MCM10: variants seen among roughly 807,000 people sequenced by gnomAD.
MCM10 encodes protein MCM10 homolog.
Under a neutral mutation model 109.9 loss-of-function variants are expected in MCM10, and 91 were observed. That is an observed-to-expected ratio of 0.83 (90% CI 0.70 to 0.99). The LOEUF is 0.99. Among genes scored for constraint, MCM10 ranks in the 50% least tolerant of loss-of-function variants. The probability of loss-of-function intolerance (pLI) is 0.00; values close to 1 mark genes in which losing one functional copy is unlikely to be tolerated. For synonymous variants in MCM10, 380 were observed against 387.2 expected, an observed-to-expected ratio of 0.98 and a Z score of 0.22; for missense variants, 1,077 against 1,061.2, an observed-to-expected ratio of 1.01 and a Z score of -0.21.
In MCM10 at chr10:13,182,243, G is replaced by T. The variant is rs1834218385; in HGVS notation, c.931-690G>T. Among the ~76,000 whole-genome samples the T allele has an allele frequency of 6.6e-6, 1 of 152,146 alleles. No individual in the cohort carries two copies. The highest frequency in any genetic ancestry group is 2.4e-5 in the African/African-American group (1 of 41,444). On this transcript the variant is annotated intron_variant, in intron 7 of 19. Transcript: ENST00000378714. This position sits in a 1 kb window ranked among gnomAD's most constrained non-coding sequence, Gnocchi z 4.2. ...AACCCTAACGCTTTGAGAGGATGGG[G>T]TGGGAGGATCACTTGAGCCCAGGAA...
intron 1 of MCM10, among the ~76,000 whole-genome samples, chr10:13,162,815 C>G (rs1481656214): frequency 6.6e-6 from 1 of 152,208 alleles, no homozygotes; most frequent in East Asian, 1.9e-4. Context: ...CGCGGTGGCT[C>G]ACGCCTGTAA....
At chr10:13,170,817 A>G in intron 2 of MCM10, 105 bp from the exon 3 acceptor site, 1 of 880,670 alleles carries the variant, frequency 1.1e-6, no homozygotes. Context: ...CATTGTACCC[A>G]TTAGGTAGTT....
Position 13,171,062 on chromosome 10 carries a change from G to A in MCM10, c.148G>A (p.Gly50Ser), listed in dbSNP as rs373516087. ...DAFDELFDAD[G>S]DGESYTEEAD... is the part of the protein sequence containing the mutation. The stretch of plus-strand genomic sequence containing the variant: ...ATTTGATGAGCTCTTTGATGCCGAC[G>A]GCGACGGTGAATCTTATACAGAAGA... The change falls in exon 3 of 20, where the codon GGC becomes AGC. Residue 50 changes from glycine (G) to serine (S), a missense_variant. Transcript: ENST00000378714. 6.8e-6 allele frequency: 11 copies of A among 1,614,044 alleles called. No homozygotes were observed. The African/African-American group carries it at 1.1e-4, about 16-fold the overall frequency.
intron 2 of MCM10, among the ~76,000 whole-genome samples, chr10:13,169,940 A>T (rs1834048831): frequency 1.3e-5 from 2 of 152,160 alleles, no homozygotes; most frequent in Non-Finnish European, 2.9e-5. Context: ...TCCTGATGTC[A>T]GGTGATCCTC....
intron 18 of MCM10, among the ~76,000 whole-genome samples, chr10:13,205,599 CAT>C (rs1476435485): frequency 6.6e-6 from 1 of 152,178 alleles, no homozygotes; most frequent in Non-Finnish European, 1.5e-5. Context: ...GAGAAATCTT[CAT>C]ATGTTTTCTA....
chr10:13,172,363 T>G lies in MCM10; in HGVS notation c.350-13T>G, dbSNP rs950570224. On this transcript the variant is annotated splice_polypyrimidine_tract_variant and intron_variant, in intron 3 of 19. Coordinates refer to ENST00000378714, the MANE Select transcript of MCM10 (RefSeq NM_018518.5). The surrounding 1 kb of genome is among the most constrained non-coding windows in gnomAD (Gnocchi z 5.2). ...CTGCCTGGTTCTTAAATTAACATAT[T>G]TTCATTTCCTAGAGGAATTAAGGAA... 3 of 1,590,690 alleles carry G rather than the reference T, an allele frequency of 1.9e-6. No homozygotes were observed. The highest frequency in any genetic ancestry group is 2.6e-6 in the Non-Finnish European group (3 of 1,163,890).
At chr10:13,180,645 A>C (rs752142120) in intron 7 of MCM10, 38 bp downstream of exon 7, 1 of 1,606,682 alleles carries the variant, frequency 6.2e-7, no homozygotes, top group South Asian at 1.1e-5. Context: ...GTTTTACTAC[A>C]AACTGACAGT....
Position 13,171,158 on chromosome 10 carries a change from G to C in MCM10, c.244G>C (p.Glu82Gln). The C allele has an allele frequency of 6.2e-7, 1 of 1,614,216 alleles. No individual in the cohort carries two copies. Among genetic ancestry groups the C allele is most frequent in the Non-Finnish European group, 8.5e-7 (1 of 1,180,030 alleles). ...ENLATLFGDM[E>Q]DLTDEEEVPA... is the part of the protein sequence containing the mutation. ...TCTGGCCACTCTCTTTGGAGATATG[G>C]AGGACTTAACAGATGAAGAAGAAGT... is the stretch of plus-strand genomic sequence containing the variant. Residue 82 changes from glutamate (E) to glutamine (Q), a missense_variant, in exon 3 of 20, where the codon GAG becomes CAG. Transcript: ENST00000378714.
rs371814734 is a variant in MCM10 at position 13,175,584 on chromosome 10, A to C, written c.667A>C (p.Ser223Arg). ...PLQTISRNKP[S>R]GITRGQIVGT... ...ACAGACGATTTCTCGGAACAAACCT[A>C]GTGGGATAACTAGAGGTCAAATTGT... Residue 223 changes from serine to arginine, a missense_variant, in exon 6 of 20, where the codon AGT becomes CGT. By Grantham distance (110) the Ser-to-Arg change is moderately radical. Transcript: ENST00000378714. 1 of 1,613,602 alleles carries C rather than the reference A, an allele frequency of 6.2e-7. No homozygotes were observed. The highest frequency in any genetic ancestry group is 8.5e-7 in the Non-Finnish European group (1 of 1,179,648).
At chr10:13,202,172 A>G (rs192439130) in intron 17 of MCM10, among the ~76,000 whole-genome samples, 1 of 152,248 alleles carries the variant, frequency 6.6e-6, no homozygotes, top group East Asian at 1.9e-4. Context: ...CAACCCGGGC[A>G]ACATCGTGAG....
chr10:13,195,098 G>GCC lies in MCM10; in HGVS notation c.1807_1808dup (p.Ala604LeufsTer21). On this transcript the variant is annotated frameshift_variant, in exon 14 of 20. Transcript: ENST00000378714. LOFTEE classifies it high-confidence loss of function. ...CAGCTGTGCCATCTTCATCAAGACA[G>GCC]CCCCCTGCTCAGCCTCCACGGACAG... is the stretch of plus-strand genomic sequence containing the variant. 15 of 1,614,106 alleles carry GCC rather than the reference G, an allele frequency of 9.3e-6. No homozygotes were observed. Among genetic ancestry groups the GCC allele is most frequent in the African/African-American group, 1.3e-5 (1 of 75,032 alleles).
At chr10:13,206,220 G>A (rs906914015) in intron 18 of MCM10, among the ~76,000 whole-genome samples, 17 of 152,080 alleles carry the variant, frequency 1.1e-4, no homozygotes, top group African/African-American at 3.4e-4. Context: ...TGTAGGATGC[G>A]TCTGTGCTCG....
intron 10 of MCM10, 111 bp from the exon 11 acceptor site, chr10:13,191,188 T>C: frequency 1.4e-6 from 1 of 714,478 alleles, no homozygotes; most frequent in East Asian, 2.6e-5. Flanking sequence ...GATGGTGTTT[T>C]GAGAAACTTT....
At chr10:13,164,985 T>A (rs868455368) in intron 2 of MCM10, among the ~76,000 whole-genome samples, 1 of 152,110 alleles carries the variant, frequency 6.6e-6, no homozygotes, top group African/African-American at 2.4e-5. Context: ...TTTTAAAAAA[T>A]TCAAACATAT....
At chr10:13,202,687 A>G (rs1257243793) in intron 17 of MCM10, among the ~76,000 whole-genome samples, 1 of 152,122 alleles carries the variant, frequency 6.6e-6, no homozygotes, top group Non-Finnish European at 1.5e-5. Flanking sequence ...GGAAACACAA[A>G]CCCACCATTG....
chr10:13,172,338 C>T lies in MCM10; in HGVS notation c.350-38C>T, dbSNP rs1282888310. On this transcript the variant is annotated intron_variant, in intron 3 of 19. Coordinates refer to ENST00000378714, the MANE Select transcript of MCM10 (RefSeq NM_018518.5). The surrounding 1 kb of genome is among the most constrained non-coding windows in gnomAD (Gnocchi z 5.2). Reference sequence around the variant, plus strand: ...TTTTTGTCATGTAGAACGTTTTCTCCTGCCTGGTTCTTAAATTAACATATT... The same window carrying T: ...TTTTTGTCATGTAGAACGTTTTCTCTTGCCTGGTTCTTAAATTAACATATT... The T allele has an allele frequency of 6.5e-7, 1 of 1,531,348 alleles. No individual in the cohort carries two copies. The highest frequency in any genetic ancestry group is 9.0e-7 in the Non-Finnish European group (1 of 1,108,964). 94.9% of individuals were successfully genotyped at this position (1,531,348 alleles called of 1,614,324 possible).
chr10:13,176,183 T>C (rs182077250), intron 6 of MCM10, among the ~76,000 whole-genome samples: 2 of 152,306 alleles, frequency 1.3e-5, no homozygotes, highest in East Asian at 3.9e-4. Flanking sequence ...GAAAAATAGC[T>C]ATGCTGTTTT....
chr10:13,205,403 T>A (rs980488141), intron 18 of MCM10, among the ~76,000 whole-genome samples: 2 of 152,186 alleles, frequency 1.3e-5, no homozygotes, highest in African/African-American at 4.8e-5. Flanking sequence ...TGTGTTTATG[T>A]ACCACATTTT....
intron 6 of MCM10, among the ~76,000 whole-genome samples, chr10:13,177,767 G>T (rs1434124924): frequency 1.3e-5 from 2 of 151,510 alleles, no homozygotes; most frequent in African/African-American, 4.9e-5. Context: ...TGCTTGGTAG[G>T]CTGAGTGGGG....
Sources: allele counts gnomAD v4.1 joint callset (sites outside exome capture counted in the v4.1 genomes callset), GRCh38; gene constraint gnomAD v4.1.1; non-coding constraint Gnocchi (gnomAD v3.1); transcripts MANE v1.5; gene names NCBI Gene and HGNC (gene_info 2026-07-23, HGNC 2026-07-21).